Variants in ARF4 observed in about 807,000 individuals in gnomAD.
ARF4 encodes the protein ARF GTPase 4, also known as ADP-ribosylation factor 4.
A neutral mutation model predicts 24.3 loss-of-function variants in ARF4; 5 were observed. That is an observed-to-expected ratio of 0.21 (90% confidence interval 0.11 to 0.43). ARF4 has a LOEUF of 0.43. ARF4 is among the 20% of genes least tolerant of loss of function. The pLI is 1.00. For missense variants in ARF4, 107 were observed against 213.0 expected (o/e 0.50, Z 3.10); for synonymous variants, 62 against 73.5 (o/e 0.84, Z 0.80).
intron 1 of ARF4, among the ~76,000 whole-genome samples, chr3:57,587,319 C>CAAAAAAAAAAAAAAAA: frequency 2.2e-5 from 1 of 45,408 alleles, no homozygotes; most frequent in Non-Finnish European, 4.7e-5. Context: ...AACTCAGTCT[C>CAAAAAAAAAAAAAAAA]AAAAAAAAAA....
chr3:57,584,711 T>C (rs2070015733), intron 1 of ARF4, among the ~76,000 whole-genome samples: 1 of 152,180 alleles, frequency 6.6e-6, no homozygotes, highest in Non-Finnish European at 1.5e-5. Context: ...TGTAGCTGAC[T>C]TAGGCTCTAA....
At chr3:57,595,747 G>C (rs944417878) in intron 1 of ARF4, among the ~76,000 whole-genome samples, 1 of 152,060 alleles carries the variant, frequency 6.6e-6, no homozygotes, top group Admixed American at 6.6e-5. Flanking sequence ...TGAGGAGTTC[G>C]AGACCAGACT....
At chr3:57,584,348 A>G (rs527669778) in intron 2 of ARF4, 36 bp downstream of exon 2, 13 of 1,473,874 alleles carry the variant, frequency 8.8e-6, no homozygotes, top group South Asian at 8.1e-5. Flanking sequence ...ACTTTACAAC[A>G]TATCATGATA....
chr3:57,590,526 G>A (rs2070099633), intron 1 of ARF4, among the ~76,000 whole-genome samples: 1 of 152,062 alleles, frequency 6.6e-6, no homozygotes, highest in Admixed American at 6.5e-5. Flanking sequence ...TCAACTTTGA[G>A]GGAGAAAAAA....
At chr3:57,575,519 G>A in intron 5 of ARF4, 29 bp downstream of exon 5, 2 of 1,590,320 alleles carry the variant, frequency 1.3e-6, no homozygotes, top group Non-Finnish European at 1.7e-6. Flanking sequence ...TAATAGTCAA[G>A]AGGTTAATAT....
intron 1 of ARF4, among the ~76,000 whole-genome samples, chr3:57,592,172 G>A (rs1270873795): frequency 6.6e-6 from 1 of 151,974 alleles, no homozygotes; most frequent in East Asian, 1.9e-4. Context: ...CTGCCTTTAG[G>A]TTTTTCTGGT....
intron 1 of ARF4, among the ~76,000 whole-genome samples, chr3:57,590,148 AAAAG>A (rs199874964): frequency 0.13 from 20,284 of 150,986 alleles, 1,449 homozygotes; most frequent in South Asian, 0.21. Context: ...AAAAAACAAA[AAAAG>A]AACATCTATA....
At position 57,572,062 on chromosome 3, in the gene ARF4, G is replaced by C. The variant is rs555071543; in HGVS notation, c.*150C>G. ...ATTGCTAAATAGCAACATTATACTC[G>C]GTAAACAATAATTGGCAACAAAATA... On this transcript the variant is annotated 3_prime_UTR_variant, in exon 6 of 6. Coordinates refer to ENST00000303436, the MANE Select transcript of ARF4 (RefSeq NM_001660.4). The C allele has an allele frequency of 3.3e-6, 2 of 603,792 alleles. No homozygotes were observed. The highest frequency in any genetic ancestry group is 5.3e-5 in the East Asian group (2 of 37,408). The allele number at this position is 603,792 out of a possible 1,614,324, so 37.4% of individuals were successfully genotyped here. A position where few individuals can be genotyped will look rare whatever the true frequency, so the allele number is the denominator to read the frequency against.
At chr3:57,583,444 T>C (rs1467470678) in intron 3 of ARF4, among the ~76,000 whole-genome samples, 3 of 152,182 alleles carry the variant, frequency 2.0e-5, no homozygotes, top group Non-Finnish European at 4.4e-5. Flanking sequence ...TATATATACA[T>C]ACTATGTGGC....
At position 57,575,945 on chromosome 3, in the gene ARF4, T is replaced by G. The variant is rs143650435; in HGVS notation, c.331-272A>C. Among the ~76,000 whole-genome samples, 20 of 151,708 alleles carry G rather than the reference T, an allele frequency of 1.3e-4. No individual in the cohort carries two copies. The East Asian group carries it at 3.7e-3, about 28-fold the overall frequency. The stretch of plus-strand genomic sequence containing the variant: ...AAAGCAAATCACTCATCATTCAGCC[T>G]TCATGATTACCCATTGTCAGGACTG... On this transcript the variant is annotated intron_variant, in intron 4 of 5. Transcript: ENST00000303436.
In ARF4 at chr3:57,597,188, G is replaced by A. The variant is rs1338785527; in HGVS notation, c.-48C>T. 7.7e-6 allele frequency: 12 copies of A among 1,554,010 alleles called. No homozygotes were observed. The East Asian group carries it at 1.6e-4, about 20-fold the overall frequency. The stretch of plus-strand genomic sequence containing the variant: ...GGCAGAAGCAGAAGGGGTTTGGGGC[G>A]ACCCCGTGCTTTCTCCTTTCAAGCT... On this transcript the variant is annotated 5_prime_UTR_variant, in exon 1 of 6. Coordinates refer to ENST00000303436, the MANE Select transcript of ARF4 (RefSeq NM_001660.4).
At chr3:57,579,118 T>A (rs993342028) in intron 3 of ARF4, among the ~76,000 whole-genome samples, 2 of 151,408 alleles carry the variant, frequency 1.3e-5, no homozygotes, top group Non-Finnish European at 2.9e-5. Context: ...TGAAACCCCA[T>A]CTCTACTAAA....
At chr3:57,594,302 T>C (rs140322847) in intron 1 of ARF4, among the ~76,000 whole-genome samples, 10 of 152,326 alleles carry the variant, frequency 6.6e-5, no homozygotes, top group African/African-American at 2.4e-4. Context: ...GGTCTTGCTA[T>C]GTTGACCAGG....
intron 2 of ARF4, 59 bp from the exon 3 acceptor site, chr3:57,584,066 ATTGT>A: frequency 8.5e-7 from 1 of 1,182,996 alleles, no homozygotes; most frequent in African/African-American, 1.5e-5. Context: ...AAAACCTTTT[ATTGT>A]GGAATTTTCT....
intron 1 of ARF4, among the ~76,000 whole-genome samples, chr3:57,589,544 CCA>C (rs1388016957): frequency 3.3e-5 from 5 of 151,434 alleles, no homozygotes; most frequent in African/African-American, 1.2e-4. Flanking sequence ...GTGGTGAAAC[CCA>C]GTCTCTACTA....
intron 3 of ARF4, among the ~76,000 whole-genome samples, chr3:57,581,816 G>C (rs772479722): frequency 1.3e-5 from 2 of 152,278 alleles, no homozygotes; most frequent in East Asian, 3.9e-4. Context: ...AAACTGTCTA[G>C]AGGGTAGAGC....
At chr3:57,587,567 A>C (rs1041999275) in intron 1 of ARF4, among the ~76,000 whole-genome samples, 1 of 152,076 alleles carries the variant, frequency 6.6e-6, no homozygotes, top group African/African-American at 2.4e-5. Flanking sequence ...TGAAAAGAGA[A>C]AAAAAATTGT....
intron 3 of ARF4, among the ~76,000 whole-genome samples, chr3:57,578,558 C>A (rs2153408604): frequency 6.6e-6 from 1 of 152,158 alleles, no homozygotes; most frequent in East Asian, 1.9e-4. Flanking sequence ...TGGCTCACTG[C>A]AGCCTTGACC....
chr3:57,577,890 C>CA (rs1179313089), intron 3 of ARF4, among the ~76,000 whole-genome samples: 3 of 151,516 alleles, frequency 2.0e-5, no homozygotes, highest in African/African-American at 4.9e-5. Flanking sequence ...GTCATCTCTA[C>CA]AAAAAAATAC....
Sources: gnomAD v4.1 joint callset for allele counts (sites outside exome capture counted in the v4.1 genomes callset) on GRCh38, gnomAD v4.1.1 for gene constraint, MANE v1.5 for transcripts, NCBI Gene and HGNC (gene_info 2026-07-23, HGNC 2026-07-21) for gene names.